The following WDFY3 variants were observed in gnomAD, a reference collection of about 807,000 sequenced individuals.
The protein encoded by WDFY3 is WD repeat and FYVE domain-containing protein 3.
Under a neutral mutation model 409.6 loss-of-function variants are expected in WDFY3, and 66 were observed. The ratio of observed to expected loss-of-function variants is 0.16; its 90% CI spans 0.13 to 0.20. The LOEUF is 0.20. Ranked by LOEUF, WDFY3 falls within the 10% of genes least tolerant of loss-of-function variation. WDFY3 has a pLI of 1.00. For missense variants in WDFY3, 3,031 were observed against 4,298.1 expected (o/e 0.71, Z 8.24); for synonymous variants, 1,521 against 1,537.1 (o/e 0.99, Z 0.25).
chr4:84,882,255 T>TATA (rs1560995242), intron 3 of WDFY3, among the ~76,000 whole-genome samples: 1 of 152,114 alleles, frequency 6.6e-6, no homozygotes, highest in Admixed American at 6.5e-5. Context: ...CTACCACAGG[T>TATA]ATAATAAAAG....
intron 2 of WDFY3, among the ~76,000 whole-genome samples, chr4:84,919,694 G>T (rs1047988834): frequency 2.6e-5 from 4 of 152,078 alleles, no homozygotes; most frequent in African/African-American, 9.7e-5. Context: ...TCTCTCTCCT[G>T]CCTCCAAGTG....
At chr4:84,687,236 C>T (rs1323717423) in intron 62 of WDFY3, among the ~76,000 whole-genome samples, 5 of 152,154 alleles carry the variant, frequency 3.3e-5, no homozygotes, top group South Asian at 2.1e-4. Flanking sequence ...CTCCACCTCC[C>T]GGGTTCAAGC....
intron 1 of WDFY3, among the ~76,000 whole-genome samples, chr4:84,954,566 A>G (rs1371422324): frequency 1.3e-5 from 2 of 152,144 alleles, no homozygotes; most frequent in South Asian, 2.1e-4. Flanking sequence ...AATAAAACAC[A>G]TATTATCATT....
chr4:84,851,723 T>C (rs1296771360), intron 4 of WDFY3, among the ~76,000 whole-genome samples: 2 of 152,140 alleles, frequency 1.3e-5, no homozygotes. Context: ...AAAAAATATA[T>C]ATATTTAAGG....
intron 5 of WDFY3, among the ~76,000 whole-genome samples, chr4:84,846,033 G>A (rs1427426918): frequency 1.3e-5 from 2 of 152,008 alleles, no homozygotes; most frequent in African/African-American, 2.4e-5. Context: ...TGATAACAAA[G>A]CTATGAAGGT....
chr4:84,922,973 G>T (rs966384784), intron 2 of WDFY3, among the ~76,000 whole-genome samples: 1 of 152,140 alleles, frequency 6.6e-6, no homozygotes, highest in Admixed American at 6.5e-5. Flanking sequence ...GAAGTGTTTG[G>T]CCTATCTTCT....
chr4:84,965,427 C>A (rs1474425144), intron 1 of WDFY3, among the ~76,000 whole-genome samples: 2 of 152,290 alleles, frequency 1.3e-5, no homozygotes, highest in Non-Finnish European at 2.9e-5. Context: ...TCCTTTCAAT[C>A]TGGTTGTATC....
intron 13 of WDFY3, 134 bp downstream of exon 13, chr4:84,817,258 T>G (rs1753432223): frequency 1.9e-6 from 2 of 1,063,666 alleles, no homozygotes; most frequent in Non-Finnish European, 2.8e-6. Context: ...GTTCCTAACG[T>G]GTACAAAGTT....
chr4:84,910,459 A>C (rs1370424222), intron 2 of WDFY3, among the ~76,000 whole-genome samples: 1 of 152,204 alleles, frequency 6.6e-6, no homozygotes, highest in Non-Finnish European at 1.5e-5. Context: ...GTACTAGCAT[A>C]AGGATGGTAA....
intron 51 of WDFY3, among the ~76,000 whole-genome samples, chr4:84,710,340 G>A (rs913746186): frequency 2.6e-5 from 4 of 152,160 alleles, no homozygotes; most frequent in African/African-American, 9.7e-5. Context: ...GAAAGTCATT[G>A]CTGTCCAGGT....
intron 2 of WDFY3, among the ~76,000 whole-genome samples, chr4:84,910,502 A>G (rs1020736198): frequency 2.6e-5 from 4 of 152,172 alleles, no homozygotes; most frequent in African/African-American, 9.7e-5. Flanking sequence ...GAGCCCAGGA[A>G]AAAACTCTCA....
chr4:84,762,485 G>GA (rs1250809114), intron 32 of WDFY3, among the ~76,000 whole-genome samples: 2 of 111,338 alleles, frequency 1.8e-5, no homozygotes, highest in African/African-American at 6.9e-5. Flanking sequence ...AGGGGGGAGG[G>GA]ATAGCATTGG....
chr4:84,826,714 T>C, intron 10 of WDFY3, 101 bp downstream of exon 10: 1 of 1,220,156 alleles, frequency 8.2e-7, no homozygotes, highest in Non-Finnish European at 1.1e-6. Context: ...TATATTACTT[T>C]TATATATATA....
chr4:84,845,951 T>G (rs999416775), intron 5 of WDFY3, among the ~76,000 whole-genome samples: 1 of 149,586 alleles, frequency 6.7e-6, no homozygotes, highest in Non-Finnish European at 1.5e-5. Context: ...TCAGTAAAAA[T>G]TTAGGTGCTA....
chr4:84,807,981 A>T (rs548157572), intron 15 of WDFY3, among the ~76,000 whole-genome samples: 3 of 152,132 alleles, frequency 2.0e-5, no homozygotes, highest in Non-Finnish European at 4.4e-5. Context: ...AAAAATAAAA[A>T]AAGTGGAAAA....
At chr4:84,844,184 G>T (rs1757763597) in intron 5 of WDFY3, among the ~76,000 whole-genome samples, 1 of 152,062 alleles carries the variant, frequency 6.6e-6, no homozygotes, top group Admixed American at 6.6e-5. Context: ...CAACCAGAAT[G>T]CAAAACATGT....
In WDFY3 at chr4:84,716,593, G is replaced by C. The variant is rs865785763; in HGVS notation, c.7875+303C>G. On this transcript the variant is annotated intron_variant, in intron 49 of 67. Coordinates refer to ENST00000295888, the MANE Select transcript of WDFY3 (RefSeq NM_014991.6). ...GGGCGGATCATGAGGTCAGGAGATC[G>C]AGACCATCCTGGCTGACACAAGGAA... is the stretch of plus-strand genomic sequence containing the variant. 5.8e-4 allele frequency among the ~76,000 whole-genome samples: 86 copies of C among 148,778 alleles called. 1 individual carries two copies. Among genetic ancestry groups the C allele is most frequent in the Non-Finnish European group, 1.6e-4 (11 of 67,124 alleles).
intron 4 of WDFY3, among the ~76,000 whole-genome samples, chr4:84,856,832 G>A (rs1014235748): frequency 3.3e-5 from 5 of 152,084 alleles, no homozygotes; most frequent in African/African-American, 1.2e-4. Flanking sequence ...TAGCAATCAT[G>A]GTAAGAACTG....
intron 9 of WDFY3, among the ~76,000 whole-genome samples, chr4:84,827,534 C>T (rs1755032235): frequency 6.6e-6 from 1 of 151,876 alleles, no homozygotes; most frequent in Admixed American, 6.6e-5. Flanking sequence ...TGGCATAATG[C>T]AAAAAGCACT....
Sources: allele counts gnomAD v4.1 joint callset (sites outside exome capture counted in the v4.1 genomes callset), GRCh38; gene constraint gnomAD v4.1.1; transcripts MANE v1.5; gene names NCBI Gene and HGNC (gene_info 2026-07-23, HGNC 2026-07-21).